FAM135A: variants seen among roughly 807,000 people sequenced by gnomAD.
FAM135A encodes the protein family with sequence similarity 135 member A.
FAM135A carries 79 observed loss-of-function variants against 146.8 expected under a neutral mutation model. That is an observed-to-expected ratio of 0.54 (90% CI 0.45 to 0.65). The LOEUF is 0.65. FAM135A is among the 30% of genes least tolerant of loss of function. The probability of loss-of-function intolerance (pLI) is 0.00; values close to 1 mark genes in which losing one functional copy is unlikely to be tolerated. For synonymous variants in FAM135A, 562 were observed against 603.6 expected (o/e 0.93, Z 1.01); for missense variants, 1,623 against 1,758.2 (o/e 0.92, Z 1.38).
At chr6:70,548,527 A>G (rs1220862840) in intron 20 of FAM135A, among the ~76,000 whole-genome samples, 2 of 152,186 alleles carry the variant, frequency 1.3e-5, no homozygotes, top group Non-Finnish European at 2.9e-5. Context: ...CTGCGTGAAC[A>G]TGAGGAGCCA....
intron 11 of FAM135A, among the ~76,000 whole-genome samples, chr6:70,493,470 G>T (rs1232029899): frequency 6.6e-6 from 1 of 152,038 alleles, no homozygotes; most frequent in East Asian, 1.9e-4. Flanking sequence ...TTAAATTTCA[G>T]TATGTAAATG....
At chr6:70,509,607 A>G (rs1169381268) in intron 12 of FAM135A, among the ~76,000 whole-genome samples, 1 of 152,216 alleles carries the variant, frequency 6.6e-6, no homozygotes, top group Non-Finnish European at 1.5e-5. Context: ...ATAAACGTGT[A>G]TAGCAGTTAT....
chr6:70,446,362 A>G (rs1369532438), intron 4 of FAM135A, among the ~76,000 whole-genome samples: 3 of 152,258 alleles, frequency 2.0e-5, no homozygotes, highest in Non-Finnish European at 1.5e-5. Context: ...CATTTCTACC[A>G]TCTGACCGTT....
At chr6:70,533,276 G>GA (rs1472127373) in intron 17 of FAM135A, 25 bp downstream of exon 17, 1 of 1,575,432 alleles carries the variant, frequency 6.3e-7, no homozygotes, top group East Asian at 2.3e-5. Context: ...TGTTTTCAGT[G>GA]AAAACAAACA....
At position 70,524,859 on chromosome 6, in the gene FAM135A, A is replaced by G. The variant is rs750826845; in HGVS notation, c.1775A>G (p.Asn592Ser). The G allele has an allele frequency of 1.0e-5, 16 of 1,604,388 alleles. No individual in the cohort carries two copies. In the African/African-American group the frequency reaches 1.7e-4, roughly 18 times the overall value. Residue 592 changes from asparagine (N) to serine (S), a missense_variant, in exon 15 of 22, where the codon AAT (asparagine) becomes AGT (serine). By Grantham distance (46) the Asn-to-Ser change is conservative (BLOSUM62 1). Coordinates refer to ENST00000418814, the MANE Select transcript of FAM135A (RefSeq NM_001162529.3). ...GAACAAAAGTCTCCAGATATTGAAA[A>G]TGTTCAACCAGACCAGTTTGATCCT... is the stretch of plus-strand genomic sequence containing the variant. ...RTEQKSPDIE[N>S]VQPDQFDPLN... is the part of the protein sequence containing the mutation.
chr6:70,522,062 A>G (rs9455139), intron 12 of FAM135A, among the ~76,000 whole-genome samples: 30,679 of 151,962 alleles, frequency 0.2, 3,397 homozygotes, highest in African/African-American at 0.29. Context: ...GATTACAAGC[A>G]CCTGCCACCA....
intron 12 of FAM135A, among the ~76,000 whole-genome samples, chr6:70,520,817 C>T (rs1793394715): frequency 6.6e-6 from 1 of 152,090 alleles, no homozygotes; most frequent in Non-Finnish European, 1.5e-5. Flanking sequence ...AGTTAATACC[C>T]TTAGTTGTAA....
At chr6:70,556,602 A>T (rs574917156) in intron 20 of FAM135A, 148 bp from the exon 21 acceptor site, 6 of 543,898 alleles carry the variant, frequency 1.1e-5, no homozygotes, top group African/African-American at 1.9e-5. Context: ...ACATACAGAA[A>T]TTTGGAGAAA....
At chr6:70,435,820 T>C (rs1443291077) in intron 4 of FAM135A, among the ~76,000 whole-genome samples, 1 of 152,244 alleles carries the variant, frequency 6.6e-6, no homozygotes, top group Non-Finnish European at 1.5e-5. Flanking sequence ...TTTGTTTTAT[T>C]GACATTGATT....
chr6:70,446,125 G>A (rs1270106748), intron 4 of FAM135A, among the ~76,000 whole-genome samples: 3 of 152,214 alleles, frequency 2.0e-5, no homozygotes, highest in Admixed American at 2.0e-4. Flanking sequence ...TACCTGGGAT[G>A]CTTTAAATAT....
At chr6:70,504,016 C>A (rs1442061099) in intron 12 of FAM135A, 2 of 152,136 alleles carry the variant, frequency 1.3e-5, no homozygotes, top group Non-Finnish European at 2.9e-5. Flanking sequence ...AGGCAAATTG[C>A]TGAGTCATAG....
In FAM135A at chr6:70,524,677, A is replaced by G. The variant is rs201656411; in HGVS notation, c.1593A>G (p.Ser531=). The G allele has an allele frequency of 3.7e-5, 58 of 1,550,894 alleles. 1 individual carries two copies. The East Asian group carries it at 1.3e-3, about 36-fold the overall frequency. ...VGYKCLKSTA[S]NDLIKCFEGN... ...ACAAATGTTTGAAAAGTACAGCATCAAATGATCTCATTAAATGCTTTGAAG... is the reference window on the plus strand; with the variant it reads ...ACAAATGTTTGAAAAGTACAGCATCGAATGATCTCATTAAATGCTTTGAAG... The change falls in exon 15 of 22, where the codon TCA becomes TCG. Residue 531 remains serine, a synonymous_variant. Transcript: ENST00000418814.
At chr6:70,500,367 G>A (rs895715289) in intron 11 of FAM135A, among the ~76,000 whole-genome samples, 7 of 152,162 alleles carry the variant, frequency 4.6e-5, no homozygotes, top group Middle Eastern at 3.4e-3. Context: ...GGTTATTCTT[G>A]TTAGCAGTTC....
intron 5 of FAM135A, among the ~76,000 whole-genome samples, chr6:70,474,560 T>A (rs1254963282): frequency 1.3e-5 from 2 of 152,232 alleles, no homozygotes; most frequent in East Asian, 3.9e-4. Context: ...AGCATAGTGC[T>A]GTACTTATTA....
In FAM135A at chr6:70,505,565, T is replaced by C. The variant is rs146264129; in HGVS notation, c.1029+2774T>C. On this transcript the variant is annotated intron_variant, in intron 12 of 21. Coordinates refer to ENST00000418814, the MANE Select transcript of FAM135A (RefSeq NM_001162529.3). ...TTTTTCAATCAGTTTTGGTAAATTA[T>C]ATTTTTGGAGGAGTTTGCCCATTTT... Among the ~76,000 whole-genome samples, 11 of 152,268 alleles carry C rather than the reference T, an allele frequency of 7.2e-5. 1 individual carries two copies. Among genetic ancestry groups the C allele is most frequent in the Admixed American group, 7.2e-4 (11 of 15,280 alleles).
intron 2 of FAM135A, among the ~76,000 whole-genome samples, chr6:70,423,912 A>G (rs1428970839): frequency 6.6e-6 from 1 of 152,212 alleles, no homozygotes; most frequent in Non-Finnish European, 1.5e-5. Context: ...AACAAATCAC[A>G]GTTATCTACT....
chr6:70,502,828 G>T, intron 12 of FAM135A, 37 bp downstream of exon 12: 2 of 1,585,680 alleles, frequency 1.3e-6, no homozygotes, highest in South Asian at 2.3e-5. Context: ...GCATTTTAAT[G>T]AGTATTATTT....
chr6:70,457,387 T>C (rs907051950), intron 5 of FAM135A, among the ~76,000 whole-genome samples: 1 of 152,266 alleles, frequency 6.6e-6, no homozygotes, highest in African/African-American at 2.4e-5. Flanking sequence ...TCATTCCGCC[T>C]TTATTAGGTT....
At chr6:70,422,114 T>G (rs1235758593) in intron 2 of FAM135A, among the ~76,000 whole-genome samples, 1 of 152,214 alleles carries the variant, frequency 6.6e-6, no homozygotes, top group African/African-American at 2.4e-5. Context: ...ATACACAGTT[T>G]GTTTAGTTTT....
Sources: allele counts gnomAD v4.1 joint callset (sites outside exome capture counted in the v4.1 genomes callset), GRCh38; gene constraint gnomAD v4.1.1; transcripts MANE v1.5; gene names NCBI Gene and HGNC (gene_info 2026-07-23, HGNC 2026-07-21).